The following MARCHF4 variants were observed in gnomAD, a reference collection of about 807,000 sequenced individuals.
The protein encoded by MARCHF4 is membrane associated ring-CH-type finger 4.
In MARCHF4, 14 loss-of-function variants were observed where a neutral mutation model predicts 43.9. That is an observed-to-expected ratio of 0.32 (90% CI 0.21 to 0.50). The LOEUF is 0.50. MARCHF4 is among the 20% of genes least tolerant of loss of function. The pLI is 0.98. For synonymous variants in MARCHF4, 226 were observed against 213.3 expected (o/e 1.06, Z -0.52); for missense variants, 468 against 536.7 (o/e 0.87, Z 1.27).
intron 1 of MARCHF4, among the ~76,000 whole-genome samples, chr2:216,285,941 G>T (rs1016067331): frequency 1.2e-4 from 19 of 152,176 alleles, no homozygotes; most frequent in Admixed American, 1.2e-3. Flanking sequence ...AAGTCTCCAC[G>T]CCTTGCTTCC....
At chr2:216,323,451 C>A (rs1051775011) in intron 1 of MARCHF4, among the ~76,000 whole-genome samples, 1 of 152,158 alleles carries the variant, frequency 6.6e-6, no homozygotes, top group East Asian at 1.9e-4. Flanking sequence ...CTCAGCTCTG[C>A]GCCAAGCAGA....
At chr2:216,319,841 A>T (rs926636896) in intron 1 of MARCHF4, among the ~76,000 whole-genome samples, 1 of 152,144 alleles carries the variant, frequency 6.6e-6, no homozygotes, top group Non-Finnish European at 1.5e-5. Flanking sequence ...TCCCAGGCTC[A>T]CTACTCTCAG....
Position 216,259,618 on chromosome 2 carries a change from G to T in MARCHF4, c.927C>A (p.Asn309Lys). The T allele has an allele frequency of 6.2e-7, 1 of 1,614,190 alleles. No individual in the cohort carries two copies. Among genetic ancestry groups the T allele is most frequent in the Non-Finnish European group, 8.5e-7 (1 of 1,180,040 alleles). The change falls in exon 4 of 4, where the codon AAC becomes AAA. Residue 309 changes from asparagine to lysine, a missense_variant. Transcript: ENST00000273067. ...CATAGTTCAGCACTTTCCACTGCTG[G>T]TTGACAGCCTGCCACCGTTTAAAGA... ...YRIFKRWQAV[N>K]QQWKVLNYDK...
intron 1 of MARCHF4, among the ~76,000 whole-genome samples, chr2:216,346,662 A>T (rs1692325363): frequency 6.6e-6 from 1 of 152,196 alleles, no homozygotes; most frequent in Admixed American, 6.5e-5. Flanking sequence ...AGGAGATGAA[A>T]GCTTCTAAGC....
At chr2:216,314,268 G>C (rs1691735729) in intron 1 of MARCHF4, among the ~76,000 whole-genome samples, 1 of 151,860 alleles carries the variant, frequency 6.6e-6, no homozygotes, top group Non-Finnish European at 1.5e-5. Context: ...GCCCTCCATA[G>C]AGTTTACAAT....
chr2:216,289,185 T>C (rs1691266047), intron 1 of MARCHF4, among the ~76,000 whole-genome samples: 1 of 151,696 alleles, frequency 6.6e-6, no homozygotes, highest in Admixed American at 6.6e-5. Context: ...GAATTTATAT[T>C]AACGAGCTTT....
intron 3 of MARCHF4, among the ~76,000 whole-genome samples, chr2:216,264,729 G>C (rs1356074932): frequency 6.6e-6 from 1 of 152,180 alleles, no homozygotes; most frequent in East Asian, 1.9e-4. Context: ...TTCTTGATCA[G>C]GCAATTTTGT....
chr2:216,278,513 C>CGG (rs1691071593), intron 2 of MARCHF4, among the ~76,000 whole-genome samples: 1 of 152,210 alleles, frequency 6.6e-6, no homozygotes, highest in South Asian at 2.1e-4. Flanking sequence ...GTGTGAGCCA[C>CGG]CATGCCCAGC....
At chr2:216,293,525 G>A (rs906788703) in intron 1 of MARCHF4, among the ~76,000 whole-genome samples, 8 of 149,424 alleles carry the variant, frequency 5.4e-5, no homozygotes, top group African/African-American at 1.2e-4. Context: ...ATCTGCTTCC[G>A]TCTTCATGGA....
At chr2:216,326,937 T>C (rs1425353910) in intron 1 of MARCHF4, among the ~76,000 whole-genome samples, 1 of 152,042 alleles carries the variant, frequency 6.6e-6, no homozygotes. Flanking sequence ...ATTGTGCACA[T>C]GCACCCTAAA....
At chr2:216,284,929 C>A (rs144458286) in intron 1 of MARCHF4, among the ~76,000 whole-genome samples, 4 of 152,244 alleles carry the variant, frequency 2.6e-5, no homozygotes, top group African/African-American at 9.6e-5. Flanking sequence ...CCTGACTTCT[C>A]CAGGTTGAGC....
chr2:216,305,921 T>C (rs1691579549), intron 1 of MARCHF4, among the ~76,000 whole-genome samples: 1 of 152,138 alleles, frequency 6.6e-6, no homozygotes, highest in African/African-American at 2.4e-5. Flanking sequence ...ACATATCTAA[T>C]CTAAACATTC....
At chr2:216,318,573 G>C (rs996574311) in intron 1 of MARCHF4, among the ~76,000 whole-genome samples, 2 of 152,180 alleles carry the variant, frequency 1.3e-5, no homozygotes, top group African/African-American at 4.8e-5. Flanking sequence ...AAGGAAGTGA[G>C]GGAGTGAACT....
chr2:216,283,607 G>A lies in MARCHF4; in HGVS notation c.639C>T (p.His213=), dbSNP rs1485294288. 7.4e-6 allele frequency: 12 copies of A among 1,610,886 alleles called. 1 individual carries two copies. Among genetic ancestry groups the A allele is most frequent in the East Asian group, 2.2e-5 (1 of 44,796 alleles). The change falls in exon 2 of 4, where the codon CAC becomes CAT. Residue 213 remains histidine (H), a synonymous_variant. Coordinates refer to ENST00000273067, the MANE Select transcript of MARCHF4 (RefSeq NM_020814.3). Reference sequence around the variant, plus strand: ...GATTTTTTGTGCTTATGGCGATGACGTGGTACTTGTAGTAGCACAGCTCGC... The same window carrying A: ...GATTTTTTGTGCTTATGGCGATGACATGGTACTTGTAGTAGCACAGCTCGC... ...WSCELCYYKY[H]VIAISTKNPL... is the part of the protein sequence containing the mutation.
intron 1 of MARCHF4, among the ~76,000 whole-genome samples, chr2:216,357,668 A>G (rs923100960): frequency 2.0e-5 from 3 of 152,224 alleles, no homozygotes; most frequent in Non-Finnish European, 4.4e-5. Flanking sequence ...AGTACTGGCC[A>G]GTTATTTTAT....
At chr2:216,329,196 T>C (rs1002001957) in intron 1 of MARCHF4, among the ~76,000 whole-genome samples, 17 of 152,046 alleles carry the variant, frequency 1.1e-4, no homozygotes, top group Middle Eastern at 3.4e-3. Context: ...CCGGCTAACA[T>C]GGTGAAACCC....
intron 3 of MARCHF4, chr2:216,266,111 A>G (rs1690841079): frequency 6.6e-6 from 1 of 152,178 alleles, no homozygotes; most frequent in African/African-American, 2.4e-5. Flanking sequence ...CCTCTCCTAG[A>G]CCCAAAGACC....
intron 2 of MARCHF4, among the ~76,000 whole-genome samples, chr2:216,279,476 G>T (rs1691089380): frequency 6.6e-6 from 1 of 152,188 alleles, no homozygotes; most frequent in African/African-American, 2.4e-5. Context: ...GGAAGGTAGG[G>T]GGAGGACATC....
intron 2 of MARCHF4, among the ~76,000 whole-genome samples, chr2:216,282,539 C>A (rs181526462): frequency 6.6e-6 from 1 of 152,252 alleles, no homozygotes; most frequent in African/African-American, 2.4e-5. Flanking sequence ...TCCTCACTCT[C>A]GTGCTCACTA....
Sources: allele counts gnomAD v4.1 joint callset (sites outside exome capture counted in the v4.1 genomes callset), GRCh38; gene constraint gnomAD v4.1.1; transcripts MANE v1.5; gene names NCBI Gene and HGNC (gene_info 2026-07-23, HGNC 2026-07-21).